ST3GAL3: variants seen among roughly 807,000 people sequenced by gnomAD.
ST3GAL3 encodes CMP-N-acetylneuraminate-beta-1,4-galactoside alpha-2,3-sialyltransferase.
In ST3GAL3, 21 loss-of-function variants were observed where a neutral mutation model predicts 50.1. The ratio of observed to expected loss-of-function variants is 0.42; its 90% CI spans 0.30 to 0.60. The LOEUF (loss-of-function observed/expected upper bound fraction) is 0.60. Ranked by LOEUF, ST3GAL3 falls within the 20% of genes least tolerant of loss-of-function variation. ST3GAL3 has a pLI of 0.19. For synonymous variants in ST3GAL3, 183 were observed against 190.0 expected, an observed-to-expected ratio of 0.96 and a Z score of 0.30; for missense variants, 353 against 489.4, an observed-to-expected ratio of 0.72 and a Z score of 2.63.
chr1:43,871,463 A>ATGGGGTGTGAGGGAGAGGC (rs1287196615), intron 5 of ST3GAL3, among the ~76,000 whole-genome samples: 4 of 138,168 alleles, frequency 2.9e-5, no homozygotes, highest in African/African-American at 1.1e-4. Context: ...GAAGAAGAGG[A>ATGGGGTGTGAGGGAGAGGC]TGGGGTGTGA....
intron 5 of ST3GAL3, among the ~76,000 whole-genome samples, chr1:43,865,758 C>T (rs991099060): frequency 6.6e-6 from 1 of 152,218 alleles, no homozygotes; most frequent in Non-Finnish European, 1.5e-5. Flanking sequence ...TTTACAGGAC[C>T]TCTTGACCTT....
intron 5 of ST3GAL3, among the ~76,000 whole-genome samples, chr1:43,888,793 T>C (rs2076312954): frequency 6.6e-6 from 1 of 152,144 alleles, no homozygotes; most frequent in African/African-American, 2.4e-5. Context: ...GCAGGGGCTG[T>C]GGGGGAGTGG....
chr1:43,756,265 G>A (rs1446654720), intron 2 of ST3GAL3, among the ~76,000 whole-genome samples: 1 of 152,046 alleles, frequency 6.6e-6, no homozygotes, highest in Non-Finnish European at 1.5e-5. Context: ...TATGTGAAAT[G>A]GAAACTAAAT....
intron 6 of ST3GAL3, among the ~76,000 whole-genome samples, chr1:43,897,544 CAG>C (rs2077567164): frequency 6.6e-6 from 1 of 152,206 alleles, no homozygotes; most frequent in African/African-American, 2.4e-5. Context: ...TTGCCAAAGC[CAG>C]AGAGAGGCCA....
intron 5 of ST3GAL3, among the ~76,000 whole-genome samples, chr1:43,860,910 G>C (rs973909928): frequency 6.6e-6 from 1 of 152,228 alleles, no homozygotes; most frequent in Non-Finnish European, 1.5e-5. Flanking sequence ...AGGCAAAAGT[G>C]GTCTTACTGT....
chr1:43,765,112 A>G (rs1428670400), intron 2 of ST3GAL3, among the ~76,000 whole-genome samples: 2 of 152,232 alleles, frequency 1.3e-5, no homozygotes, highest in Non-Finnish European at 2.9e-5. Context: ...TTTTAACACA[A>G]TAAAGGTTAT....
chr1:43,909,495 A>G (rs1486411185), intron 9 of ST3GAL3, among the ~76,000 whole-genome samples: 1 of 152,182 alleles, frequency 6.6e-6, no homozygotes, highest in Non-Finnish European at 1.5e-5. Flanking sequence ...CTTTTTGTTC[A>G]TCGCTTTTTT....
At chr1:43,741,043 A>T (rs909187256) in intron 2 of ST3GAL3, among the ~76,000 whole-genome samples, 1 of 152,150 alleles carries the variant, frequency 6.6e-6, no homozygotes, top group Non-Finnish European at 1.5e-5. Flanking sequence ...TTAAAAATTC[A>T]TGACTGGGTG....
At chr1:43,820,538 C>A (rs1409648412) in intron 4 of ST3GAL3, among the ~76,000 whole-genome samples, 1 of 152,104 alleles carries the variant, frequency 6.6e-6, no homozygotes, top group African/African-American at 2.4e-5. Context: ...GGGAGAAATA[C>A]TCCTAAAATA....
chr1:43,711,142 T>C (rs975817956), intron 1 of ST3GAL3, among the ~76,000 whole-genome samples: 2 of 152,252 alleles, frequency 1.3e-5, no homozygotes, highest in Admixed American at 6.5e-5. Context: ...TGGATTAGGC[T>C]GCACTAACAA....
intron 2 of ST3GAL3, among the ~76,000 whole-genome samples, chr1:43,786,434 TG>T (rs1260742785): frequency 6.6e-6 from 1 of 152,180 alleles, no homozygotes; most frequent in Non-Finnish European, 1.5e-5. Flanking sequence ...GTAGCAGGGC[TG>T]CTGCGCTTGC....
At chr1:43,870,771 A>T (rs997525833) in intron 5 of ST3GAL3, among the ~76,000 whole-genome samples, 1 of 152,082 alleles carries the variant, frequency 6.6e-6, no homozygotes, top group African/African-American at 2.4e-5. Flanking sequence ...AGACATGGCC[A>T]TGGAGTGAAG....
At chr1:43,830,795 C>A (rs2063445299) in intron 4 of ST3GAL3, among the ~76,000 whole-genome samples, 1 of 152,192 alleles carries the variant, frequency 6.6e-6, no homozygotes, top group South Asian at 2.1e-4. Context: ...CTCTTGACCT[C>A]CCTGCCCAAT....
chr1:43,876,629 A>G (rs1163522444), intron 5 of ST3GAL3, among the ~76,000 whole-genome samples: 1 of 152,206 alleles, frequency 6.6e-6, no homozygotes, highest in African/African-American at 2.4e-5. Flanking sequence ...TAACTTTACC[A>G]GGTAATGGCA....
chr1:43,760,524 G>C (rs1405404253), intron 2 of ST3GAL3, among the ~76,000 whole-genome samples: 1 of 152,228 alleles, frequency 6.6e-6, no homozygotes, highest in Non-Finnish European at 1.5e-5. Flanking sequence ...GGGAGGCCAA[G>C]GCAGGTGGAT....
intron 2 of ST3GAL3, among the ~76,000 whole-genome samples, chr1:43,774,663 G>A (rs550751728): frequency 2.6e-5 from 4 of 152,326 alleles, no homozygotes; most frequent in South Asian, 2.1e-4. Flanking sequence ...TTGTAGTTCT[G>A]TGTAGAATTT....
intron 5 of ST3GAL3, chr1:43,840,299 T>C (rs1301035415): frequency 2.0e-5 from 3 of 152,176 alleles, no homozygotes; most frequent in Non-Finnish European, 4.4e-5. Context: ...AGTGCTGGGA[T>C]TACAAGTTTG....
intron 2 of ST3GAL3, among the ~76,000 whole-genome samples, chr1:43,740,683 G>A (rs1056904046): frequency 2.6e-5 from 4 of 152,044 alleles, no homozygotes; most frequent in Non-Finnish European, 5.9e-5. Context: ...TGGTGCACAC[G>A]TGTACGGCGA....
rs747643793 is a variant in ST3GAL3, at chr1:43,737,077, C to G, written c.118+697C>G. 2 of 154,384 alleles carry G rather than the reference C, an allele frequency of 1.3e-5. No homozygotes were observed. Among genetic ancestry groups the G allele is most frequent in the Non-Finnish European group, 2.9e-5 (2 of 69,646 alleles). 9.6% of individuals were successfully genotyped at this position (154,384 alleles called of 1,614,324 possible). On this transcript the variant is annotated intron_variant, in intron 2 of 11. Transcript: ENST00000347631. This position sits in a 1 kb window ranked among gnomAD's most constrained non-coding sequence, Gnocchi z 4.0. ...AAGGGCTTACATTGATCAGCACCAG[C>G]CTTTGCACATTGTTTTCTTGGCTGT...
Sources: gnomAD v4.1 joint callset for allele counts (sites outside exome capture counted in the v4.1 genomes callset) on GRCh38, gnomAD v4.1.1 for gene constraint, Gnocchi (gnomAD v3.1) non-coding constraint, MANE v1.5 for transcripts, NCBI Gene and HGNC (gene_info 2026-07-23, HGNC 2026-07-21) for gene names.